The following USP43 variants were observed in gnomAD, a reference collection of about 807,000 sequenced individuals.
USP43 encodes the protein ubiquitin specific peptidase 43.
USP43 carries 33 observed loss-of-function variants against 90.7 expected under a neutral mutation model. The observed-to-expected ratio is 0.36, with a 90% confidence interval of 0.28 to 0.49. The LOEUF (loss-of-function observed/expected upper bound fraction) is 0.49, where lower values mean the gene tolerates loss of function less well. USP43 is among the 20% of genes least tolerant of loss of function. USP43 has a pLI of 0.98. For synonymous variants in USP43, 598 were observed against 615.8 expected (o/e 0.97, Z 0.43); for missense variants, 1,274 against 1,476.4 (o/e 0.86, Z 2.25).
At chr17:9,653,945 G>C (rs1383500101) in intron 1 of USP43, among the ~76,000 whole-genome samples, 1 of 152,144 alleles carries the variant, frequency 6.6e-6, no homozygotes, top group African/African-American at 2.4e-5. Context: ...ATAGGGGAAG[G>C]GTAGAGACAT....
At chr17:9,710,625 C>T (rs1054613059) in intron 13 of USP43, among the ~76,000 whole-genome samples, 1 of 150,872 alleles carries the variant, frequency 6.6e-6, no homozygotes, top group Non-Finnish European at 1.5e-5. Context: ...CTGCCTCAGC[C>T]TCCCGAGTAG....
chr17:9,719,544 T>C (rs770104254), intron 14 of USP43, among the ~76,000 whole-genome samples: 8 of 152,182 alleles, frequency 5.3e-5, no homozygotes, highest in Non-Finnish European at 8.8e-5. Flanking sequence ...CAGTCGCACC[T>C]AGTTGTAAAG....
At chr17:9,676,290 C>T (rs1289245454) in intron 4 of USP43, among the ~76,000 whole-genome samples, 2 of 152,170 alleles carry the variant, frequency 1.3e-5, no homozygotes, top group African/African-American at 2.4e-5. Context: ...TACCCTGCCA[C>T]CTGGTGACAA....
At chr17:9,667,517 C>G (rs924895431) in intron 3 of USP43, among the ~76,000 whole-genome samples, 1 of 152,204 alleles carries the variant, frequency 6.6e-6, no homozygotes, top group Non-Finnish European at 1.5e-5. Context: ...AAGGCAGAAT[C>G]GTTTCAATAT....
At chr17:9,689,926 C>T (rs889493101) in intron 8 of USP43, among the ~76,000 whole-genome samples, 12 of 152,180 alleles carry the variant, frequency 7.9e-5, no homozygotes, top group Non-Finnish European at 1.0e-4. Flanking sequence ...AATACCCTTC[C>T]GTGGCCAACC....
Position 9,699,615 on chromosome 17 carries a change from T to C in USP43, c.1458-557T>C, listed in dbSNP as rs577465492. On this transcript the variant is annotated intron_variant, in intron 9 of 14. Coordinates refer to ENST00000285199, the MANE Select transcript of USP43 (RefSeq NM_153210.5). ...TCCACTTTGCTCTCTTCCCATCTCT[T>C]CTGTATTGAGGCTGATCCACCGTTT... Among the ~76,000 whole-genome samples, 7 of 152,324 alleles carry C rather than the reference T, an allele frequency of 4.6e-5. No homozygotes were observed. In the South Asian group the frequency reaches 1.5e-3, roughly 32 times the overall value.
chr17:9,716,025 GTGTA>G (rs1420537342), intron 14 of USP43, among the ~76,000 whole-genome samples: 1 of 151,412 alleles, frequency 6.6e-6, no homozygotes, highest in Non-Finnish European at 1.5e-5. Flanking sequence ...GTATGTGTCT[GTGTA>G]TGTGAGAATG....
intron 14 of USP43, among the ~76,000 whole-genome samples, chr17:9,714,433 G>C (rs1567680673): frequency 6.6e-6 from 1 of 152,134 alleles, no homozygotes. Flanking sequence ...TGTAATCCCA[G>C]CACTTTGGGA....
chr17:9,678,062 G>A lies in USP43; in HGVS notation c.969+1181G>A, dbSNP rs140392604. Among the ~76,000 whole-genome samples the A allele has an allele frequency of 2.5e-3, 381 of 152,244 alleles. 1 individual carries two copies. Among genetic ancestry groups the A allele is most frequent in the African/African-American group, 8.7e-3 (360 of 41,534 alleles). On this transcript the variant is annotated intron_variant, in intron 5 of 14. Transcript: ENST00000285199. The stretch of plus-strand genomic sequence containing the variant: ...GTTACTGAAAGAGACGGAGAGAGAG[G>A]GGGACAGTGGGTGAGAGTCCTGGGG...
intron 14 of USP43, among the ~76,000 whole-genome samples, chr17:9,724,665 A>G (rs908685306): frequency 6.6e-6 from 1 of 152,218 alleles, no homozygotes; most frequent in African/African-American, 2.4e-5. Flanking sequence ...GGGGGACAAG[A>G]GCGAGACTCT....
chr17:9,695,109 A>G (rs2151984419), intron 9 of USP43, among the ~76,000 whole-genome samples: 1 of 152,042 alleles, frequency 6.6e-6, no homozygotes, highest in South Asian at 2.1e-4. Context: ...TTCACTGGAC[A>G]TCTTACCTCA....
chr17:9,688,093 C>G (rs1914698127), intron 8 of USP43, among the ~76,000 whole-genome samples: 2 of 151,850 alleles, frequency 1.3e-5, no homozygotes, highest in Non-Finnish European at 2.9e-5. Context: ...TCACGCCATT[C>G]TTCTGCCTCA....
At position 9,654,649 on chromosome 17, in the gene USP43, TAAA is replaced by T. The variant is rs774004761; in HGVS notation, c.505-1739_505-1737del. Among the ~76,000 whole-genome samples, 33 of 129,086 alleles carry T rather than the reference TAAA, an allele frequency of 2.6e-4. 1 individual carries two copies. The highest frequency in any genetic ancestry group is 2.4e-4 in the Admixed American group (3 of 12,644). The allele number at this position is 129,086 out of a possible 152,430, so 84.7% of individuals were successfully genotyped here. A position where few individuals can be genotyped will look rare whatever the true frequency, so the allele number is the denominator to read the frequency against. Reference sequence around the variant, plus strand: ...GGGCAACAAGAGTGAAACACTGTCTTAAAAAAAAAAAAAAAAAGACTCAGAACC... The same window carrying T: ...GGGCAACAAGAGTGAAACACTGTCTTAAAAAAAAAAAAAAGACTCAGAACC... On this transcript the variant is annotated intron_variant, in intron 1 of 14. Transcript: ENST00000285199.
chr17:9,724,680 C>CAAGA (rs1273132284), intron 14 of USP43, among the ~76,000 whole-genome samples: 1 of 152,100 alleles, frequency 6.6e-6, no homozygotes, highest in Non-Finnish European at 1.5e-5. Context: ...GACTCTGTCT[C>CAAGA]AAGAAAGAAA....
chr17:9,704,778 C>G (rs751908750), intron 12 of USP43, among the ~76,000 whole-genome samples: 2 of 151,238 alleles, frequency 1.3e-5, no homozygotes, highest in Non-Finnish European at 2.9e-5. Context: ...CCCCCAGGCA[C>G]TCTGTGTTGA....
At chr17:9,723,257 G>A (rs1183980598) in intron 14 of USP43, among the ~76,000 whole-genome samples, 1 of 152,018 alleles carries the variant, frequency 6.6e-6, no homozygotes, top group Admixed American at 6.6e-5. Context: ...TGCTCCCCTT[G>A]ACCTTGGAGT....
intron 2 of USP43, among the ~76,000 whole-genome samples, chr17:9,657,346 G>A (rs2937968): frequency 0.48 from 72,903 of 151,624 alleles, 22,309 homozygotes; most frequent in East Asian, 0.92. Context: ...ATCTCTATTA[G>A]TAATATAAAA....
In USP43 at chr17:9,701,176, G is replaced by A. The variant is rs766245078; in HGVS notation, c.1593G>A (p.Gln531=). 3.2e-6 allele frequency: 5 copies of A among 1,547,226 alleles called. No individual in the cohort carries two copies. Among genetic ancestry groups the A allele is most frequent in the Admixed American group, 1.9e-5 (1 of 51,784 alleles). Residue 531 remains glutamine (Q), a synonymous_variant, in exon 11 of 15, where the codon CAG becomes CAA. Coordinates refer to ENST00000285199, the MANE Select transcript of USP43 (RefSeq NM_153210.5). This position sits in a 1 kb window ranked among gnomAD's most constrained non-coding sequence, Gnocchi z 7.2. Reference sequence around the variant, plus strand: ...AGGATGCCGACAGTGTGTGGCAGCAGCAGCAGGCGCATCAGCAGCACAGCT... The same window carrying A: ...AGGATGCCGACAGTGTGTGGCAGCAACAGCAGGCGCATCAGCAGCACAGCT... The part of the protein sequence containing the change: ...RAQDADSVWQ[Q]QQAHQQHSCT...
At chr17:9,650,457 C>G (rs1176617380) in intron 1 of USP43, among the ~76,000 whole-genome samples, 1 of 152,030 alleles carries the variant, frequency 6.6e-6, no homozygotes, top group African/African-American at 2.4e-5. Flanking sequence ...GGCTGGAGTG[C>G]AGGGGCGCTA....
Sources: allele counts gnomAD v4.1 joint callset (sites outside exome capture counted in the v4.1 genomes callset), GRCh38; gene constraint gnomAD v4.1.1; non-coding constraint Gnocchi (gnomAD v3.1); transcripts MANE v1.5; gene names NCBI Gene and HGNC (gene_info 2026-07-23, HGNC 2026-07-21).